Variants in XKR3 observed in about 807,000 individuals in gnomAD.
XKR3 encodes XK related 3.
XKR3 carries 27 observed loss-of-function variants against 40.3 expected under a neutral mutation model. That is an observed-to-expected ratio of 0.67 (90% CI 0.49 to 0.92). XKR3 has a LOEUF of 0.92. Among genes scored for constraint, XKR3 ranks in the 40% least tolerant of loss-of-function variants. The pLI is 0.00. For missense variants in XKR3, 472 were observed against 537.6 expected, an observed-to-expected ratio of 0.88 and a Z score of 1.21; for synonymous variants, 193 against 195.4, an observed-to-expected ratio of 0.99 and a Z score of 0.10.
In XKR3 at chr22:16,784,118, T is replaced by A; in HGVS notation, c.881A>T (p.Lys294Ile). 1.2e-6 allele frequency: 2 copies of A among 1,614,196 alleles called. No individual in the cohort carries two copies. Among genetic ancestry groups the A allele is most frequent in the Non-Finnish European group, 1.7e-6 (2 of 1,180,040 alleles). The change falls in exon 4 of 4, where the codon AAA becomes ATA. Residue 294 changes from lysine to isoleucine, a missense_variant. Lys to Ile is a moderately radical substitution (Grantham distance 102). Transcript: ENST00000684488. ...ACCCACCATATTGGAATTATTTTCT[T>A]TGTTGCCAGGAAGATGAGCTCCACT... ...WKSGAHLPGNKENNSNMVGTV... is the reference protein window; with the variant it reads ...WKSGAHLPGNIENNSNMVGTV...
intron 3 of XKR3, among the ~76,000 whole-genome samples, chr22:16,785,195 T>C (rs2060084852): frequency 6.6e-6 from 1 of 152,018 alleles, no homozygotes; most frequent in Non-Finnish European, 1.5e-5. Flanking sequence ...TGGGAGCTTG[T>C]AGTCCCAGCT....
chr22:16,797,022 C>T (rs934727771), intron 3 of XKR3, among the ~76,000 whole-genome samples: 2 of 152,090 alleles, frequency 1.3e-5, no homozygotes, highest in Admixed American at 1.3e-4. Flanking sequence ...AGCCACACAC[C>T]TACAACCATC....
At chr22:16,795,660 T>G (rs985379828) in intron 3 of XKR3, among the ~76,000 whole-genome samples, 3 of 151,772 alleles carry the variant, frequency 2.0e-5, no homozygotes, top group African/African-American at 7.3e-5. Flanking sequence ...GTGTGCTACC[T>G]AAATTAACAA....
intron 1 of XKR3, among the ~76,000 whole-genome samples, chr22:16,817,688 C>G (rs1381966613): frequency 6.6e-6 from 1 of 152,048 alleles, no homozygotes; most frequent in Non-Finnish European, 1.5e-5. Flanking sequence ...CCAGTTTATC[C>G]CAAATTAGTG....
intron 1 of XKR3, among the ~76,000 whole-genome samples, chr22:16,815,065 G>A (rs1435536681): frequency 1.3e-5 from 2 of 151,868 alleles, no homozygotes; most frequent in Non-Finnish European, 2.9e-5. Context: ...TCAGGTTTTT[G>A]CATTAAGTTT....
Position 16,784,136 on chromosome 22 carries a change from G to A in XKR3, c.863C>T (p.Ala288Val). 1.2e-6 allele frequency: 2 copies of A among 1,614,152 alleles called. No homozygotes were observed. The highest frequency in any genetic ancestry group is 1.7e-6 in the Non-Finnish European group (2 of 1,180,042). Residue 288 changes from alanine to valine, a missense_variant, in exon 4 of 4, where the codon GCT (alanine) becomes GTT (valine). Physicochemically the swap from Ala to Val is moderately conservative, Grantham distance 64. Coordinates refer to ENST00000684488, the MANE Select transcript of XKR3 (RefSeq NM_001386955.1). ...ATTTTCTTTGTTGCCAGGAAGATGAGCTCCACTTTTCCAAAACTCCAGCCA... is the reference window on the plus strand; with the variant it reads ...ATTTTCTTTGTTGCCAGGAAGATGAACTCCACTTTTCCAAAACTCCAGCCA... ...APWLEFWKSG[A>V]HLPGNKENNS...
At position 16,783,761 on chromosome 22, in the gene XKR3, G is replaced by T. The variant is rs1328309262; in HGVS notation, c.1238C>A (p.Thr413Asn). The change falls in exon 4 of 4, where the codon ACT (threonine) becomes AAT (asparagine). Residue 413 changes from threonine to asparagine, a missense_variant. Physicochemically the swap from Thr to Asn is moderately conservative, Grantham distance 65 (BLOSUM62 0). Transcript: ENST00000684488. ...WQSGKVLPGR[T>N]ENQPEAPYYY... ...GTACGGTGCTTCTGGCTGATTTTCA[G>T]TACGTCCTGGCAACACTTTGCCTGA... is the stretch of plus-strand genomic sequence containing the variant. 3.7e-5 allele frequency: 59 copies of T among 1,613,944 alleles called. No homozygotes were observed. The highest frequency in any genetic ancestry group is 4.7e-5 in the Non-Finnish European group (56 of 1,180,034).
At chr22:16,809,233 C>A (rs1403264116) in intron 1 of XKR3, among the ~76,000 whole-genome samples, 1 of 152,080 alleles carries the variant, frequency 6.6e-6, no homozygotes, top group Non-Finnish European at 1.5e-5. Flanking sequence ...CTAAATCACA[C>A]CTTTATCTAT....
In XKR3 at chr22:16,783,494, T is replaced by C. The variant is rs1465625919; in HGVS notation, c.*125A>G. The stretch of plus-strand genomic sequence containing the variant: ...ACTAAGGCACGTTCACAGGAGAACA[T>C]AAATGAATTTTATTAGAAACCACTT... On this transcript the variant is annotated 3_prime_UTR_variant, in exon 4 of 4. Coordinates refer to ENST00000684488, the MANE Select transcript of XKR3 (RefSeq NM_001386955.1). The C allele has an allele frequency of 8.1e-6, 6 of 744,288 alleles. No individual in the cohort carries two copies. In the Admixed American group the frequency reaches 1.4e-4, roughly 18 times the overall value. 46.1% of individuals were successfully genotyped at this position (744,288 alleles called of 1,614,324 possible).
At chr22:16,806,160 G>A (rs982815637) in intron 2 of XKR3, among the ~76,000 whole-genome samples, 15 of 151,572 alleles carry the variant, frequency 9.9e-5, no homozygotes, top group African/African-American at 3.6e-4. Context: ...TTGGAAGGCT[G>A]AGACAGGAGA....
rs175141 is a variant in XKR3, at chr22:16,825,294, G to T, written c.-14C>A. Among the ~76,000 whole-genome samples, 19,606 of 152,092 alleles carry T rather than the reference G, an allele frequency of 0.13. 1,483 individuals carry two copies. The highest frequency in any genetic ancestry group is 0.34 in the East Asian group (1,760 of 5,168). ...GTCGAGGGCTGCTCCTACTTACCTT[G>T]CCTATTTGCCACCCTCACAGTTTTG... On this transcript the variant is annotated 5_prime_UTR_variant, in exon 1 of 4. Transcript: ENST00000684488.
intron 1 of XKR3, 140 bp from the exon 2 acceptor site, chr22:16,808,223 A>C: frequency 3.4e-6 from 2 of 587,146 alleles, no homozygotes; most frequent in South Asian, 6.8e-5. Context: ...CAGAATAGAA[A>C]AATCCATGTC....
At chr22:16,789,978 A>AAT (rs1181403107) in intron 3 of XKR3, among the ~76,000 whole-genome samples, 1 of 152,060 alleles carries the variant, frequency 6.6e-6, no homozygotes, top group Non-Finnish European at 1.5e-5. Context: ...AAATAACTCA[A>AAT]ATACACTAAA....
Position 16,795,068 on chromosome 22 carries a change from A to T in XKR3, c.589+4703T>A, listed in dbSNP as rs1379814166. Among the ~76,000 whole-genome samples, 3 of 152,346 alleles carry T rather than the reference A, an allele frequency of 2.0e-5. No homozygotes were observed. The East Asian group carries it at 5.8e-4, about 29-fold the overall frequency. The stretch of plus-strand genomic sequence containing the variant: ...CCAAATGGAACTAACACACATCTAC[A>T]GAATGAACATGCCACCCAACAAATG... On this transcript the variant is annotated intron_variant, in intron 3 of 3. Transcript: ENST00000684488.
intron 3 of XKR3, among the ~76,000 whole-genome samples, chr22:16,793,065 T>G (rs2060126942): frequency 6.6e-6 from 1 of 152,194 alleles, no homozygotes; most frequent in Non-Finnish European, 1.5e-5. Context: ...CAGGCTGGAG[T>G]GCAATGGGGC....
intron 3 of XKR3, among the ~76,000 whole-genome samples, chr22:16,789,270 C>A (rs1315780918): frequency 6.6e-6 from 1 of 152,084 alleles, no homozygotes; most frequent in Non-Finnish European, 1.5e-5. Flanking sequence ...CCTAAACACA[C>A]CACTAAAAAG....
At chr22:16,802,960 A>T (rs1306433129) in intron 2 of XKR3, among the ~76,000 whole-genome samples, 1 of 152,216 alleles carries the variant, frequency 6.6e-6, no homozygotes, top group South Asian at 2.1e-4. Context: ...GTTGGCCATG[A>T]AAGTAAGACT....
chr22:16,788,671 G>T (rs2060101649), intron 3 of XKR3, among the ~76,000 whole-genome samples: 1 of 152,120 alleles, frequency 6.6e-6, no homozygotes, highest in Admixed American at 6.5e-5. Context: ...TACAAAACCA[G>T]ACAAGGATAC....
At chr22:16,792,868 C>T (rs2060126144) in intron 3 of XKR3, among the ~76,000 whole-genome samples, 1 of 152,178 alleles carries the variant, frequency 6.6e-6, no homozygotes, top group Non-Finnish European at 1.5e-5. Flanking sequence ...TCTTAAACGC[C>T]AAATAAAAAT....
Sources: gnomAD v4.1 joint callset for allele counts (sites outside exome capture counted in the v4.1 genomes callset) on GRCh38, gnomAD v4.1.1 for gene constraint, MANE v1.5 for transcripts, NCBI Gene and HGNC (gene_info 2026-07-23, HGNC 2026-07-21) for gene names.